The following RASAL2 variants were observed in gnomAD, a reference collection of about 807,000 sequenced individuals.
RASAL2 encodes ras GTPase-activating protein nGAP.
A neutral mutation model predicts 128.9 loss-of-function variants in RASAL2; 58 were observed. The ratio of observed to expected loss-of-function variants is 0.45; its 90% CI spans 0.36 to 0.56. The LOEUF is 0.56. Ranked by LOEUF, RASAL2 falls within the 20% of genes least tolerant of loss-of-function variation. The pLI is 0.00. For synonymous variants in RASAL2, 561 were observed against 580.8 expected (o/e 0.97, Z 0.49); for missense variants, 1,360 against 1,601.6 (o/e 0.85, Z 2.57).
At chr1:178,378,026 A>G (rs1054205867) in intron 3 of RASAL2, among the ~76,000 whole-genome samples, 2 of 151,940 alleles carry the variant, frequency 1.3e-5, no homozygotes, top group African/African-American at 4.8e-5. Context: ...AAAAAAAGAA[A>G]ATCAGAAAAA....
At chr1:178,287,526 T>A (rs188607832) in intron 2 of RASAL2, among the ~76,000 whole-genome samples, 8 of 152,212 alleles carry the variant, frequency 5.3e-5, no homozygotes. Context: ...AACAAGGATA[T>A]ACATGTTTAC....
chr1:178,162,966 ACTTT>A (rs772071580), intron 1 of RASAL2, among the ~76,000 whole-genome samples: 2 of 151,402 alleles, frequency 1.3e-5, no homozygotes, highest in African/African-American at 2.4e-5. Flanking sequence ...AGATTTTTAC[ACTTT>A]CTTTGTTTTT....
At chr1:178,190,104 G>A (rs531576403) in intron 1 of RASAL2, among the ~76,000 whole-genome samples, 14 of 142,396 alleles carry the variant, frequency 9.8e-5, no homozygotes, top group East Asian at 9.7e-4. Flanking sequence ...CCCACCTTCC[G>A]CAGAAAGAAT....
At chr1:178,124,994 T>A (rs1202077258) in intron 1 of RASAL2, among the ~76,000 whole-genome samples, 1 of 152,252 alleles carries the variant, frequency 6.6e-6, no homozygotes, top group Non-Finnish European at 1.5e-5. Context: ...TTTGAAAATG[T>A]TATATCTCAT....
chr1:178,119,683 A>C (rs1014216467), intron 1 of RASAL2, among the ~76,000 whole-genome samples: 1 of 152,232 alleles, frequency 6.6e-6, no homozygotes, highest in Non-Finnish European at 1.5e-5. Flanking sequence ...AGTACATGTA[A>C]CATATTTTCA....
At chr1:178,161,694 C>T (rs890761675) in intron 1 of RASAL2, among the ~76,000 whole-genome samples, 12 of 152,096 alleles carry the variant, frequency 7.9e-5, no homozygotes, top group Admixed American at 7.2e-4. Context: ...GCCAAATCCA[C>T]CATTTTATAT....
rs112240164 is a variant in RASAL2, at chr1:178,424,389, T to C, written c.674+3769T>C. On this transcript the variant is annotated intron_variant, in intron 5 of 17. Coordinates refer to ENST00000367649, the MANE Select transcript of RASAL2 (RefSeq NM_170692.4). The stretch of plus-strand genomic sequence containing the variant: ...TCCTGAGTAGCTTGGATTGCAGACA[T>C]AAGCCACTGCCTCCAGCCAGAAATC... Among the ~76,000 whole-genome samples the C allele has an allele frequency of 6.8e-3, 1,026 of 151,262 alleles. 8 individuals are homozygous for C. The highest frequency in any genetic ancestry group is 0.023 in the African/African-American group (927 of 41,166).
chr1:178,098,356 A>G (rs1658767447), intron 1 of RASAL2, among the ~76,000 whole-genome samples: 2 of 152,258 alleles, frequency 1.3e-5, no homozygotes, highest in Admixed American at 1.3e-4. Flanking sequence ...AGAATCCAAG[A>G]GCATCAAATG....
rs1163062770 is a variant in RASAL2, at chr1:178,349,258, TA to T, written c.458-40822del. The stretch of plus-strand genomic sequence containing the variant: ...ACATGGTGAAACCCTGTCTCTACTT[TA>T]AAAAAAAAAAAAAAAAAAAGCCAGG... On this transcript the variant is annotated intron_variant, in intron 3 of 17. Transcript: ENST00000367649. Among the ~76,000 whole-genome samples the T allele has an allele frequency of 4.5e-3, 501 of 110,814 alleles. 1 individual carries two copies. The highest frequency in any genetic ancestry group is 0.018 in the Middle Eastern group (4 of 218). 72.7% of individuals were successfully genotyped at this position (110,814 alleles called of 152,430 possible).
intron 1 of RASAL2, among the ~76,000 whole-genome samples, chr1:178,124,472 A>C (rs1167937639): frequency 6.6e-6 from 1 of 152,154 alleles, no homozygotes; most frequent in African/African-American, 2.4e-5. Flanking sequence ...ACTCTGCCTT[A>C]GAGAAATGTT....
intron 3 of RASAL2, among the ~76,000 whole-genome samples, chr1:178,320,759 C>G (rs1057169571): frequency 6.6e-6 from 1 of 152,214 alleles, no homozygotes; most frequent in African/African-American, 2.4e-5. Flanking sequence ...TCTTCTGCCT[C>G]GCTCACGCTG....
chr1:178,380,005 G>A lies in RASAL2; in HGVS notation c.458-10095G>A, dbSNP rs6701732. On this transcript the variant is annotated intron_variant, in intron 3 of 17. Transcript: ENST00000367649. ...CTCCCAGCCTCAGCGCCCCCTACCCGTAGTAGCTGGGACGACAGGTGCAGT... is the reference window on the plus strand; with the variant it reads ...CTCCCAGCCTCAGCGCCCCCTACCCATAGTAGCTGGGACGACAGGTGCAGT... Among the ~76,000 whole-genome samples the A allele has an allele frequency of 4.3e-3, 652 of 152,206 alleles. 14 individuals carry two copies. Among genetic ancestry groups the A allele is most frequent in the African/African-American group, 0.015 (626 of 41,542 alleles).
rs769236542 is a variant in RASAL2, at chr1:178,457,910, G to T, written c.2618G>T (p.Arg873Leu). ...HASVMLDVPIRLTGSQLSITQ... is the reference protein window; with the variant it reads ...HASVMLDVPILLTGSQLSITQ... ...TCTGTCATGCTTGATGTGCCTATAC[G>T]CTTGACCGGAAGCCAGCTTTCCATA... The change falls in exon 14 of 18, where the codon CGC (arginine) becomes CTC (leucine). Residue 873 changes from arginine to leucine, a missense_variant. This residue lies in a region of RASAL2 where 741 missense variants were observed against 868.6 expected (regional missense o/e 0.85). Coordinates refer to ENST00000367649, the MANE Select transcript of RASAL2 (RefSeq NM_170692.4). 3 of 1,614,118 alleles carry T rather than the reference G, an allele frequency of 1.9e-6. No individual in the cohort carries two copies. In the South Asian group the frequency reaches 3.3e-5, roughly 18 times the overall value.
intron 3 of RASAL2, chr1:178,372,094 A>AGGGAGGATCACATTTTCT (rs1671751066): frequency 1.1e-6 from 1 of 874,054 alleles, no homozygotes; most frequent in East Asian, 1.2e-4. Context: ...TTCAGAGTGG[A>AGGGAGGATCACATTTTCT]GGGAGGATCA....
chr1:178,211,334 G>T (rs1051506836), intron 1 of RASAL2, among the ~76,000 whole-genome samples: 16 of 152,030 alleles, frequency 1.1e-4, no homozygotes, highest in African/African-American at 3.9e-4. Context: ...TCCCTACCTT[G>T]ATCCTTATCC....
At chr1:178,358,237 TAAA>T (rs71567191) in intron 3 of RASAL2, among the ~76,000 whole-genome samples, 12 of 34,760 alleles carry the variant, frequency 3.5e-4, no homozygotes, top group Non-Finnish European at 5.1e-4. Flanking sequence ...CTCTGTCTCC[TAAA>T]AAAAAAAAAA....
At chr1:178,106,056 G>A (rs775804624) in intron 1 of RASAL2, among the ~76,000 whole-genome samples, 1 of 152,164 alleles carries the variant, frequency 6.6e-6, no homozygotes, top group Non-Finnish European at 1.5e-5. Flanking sequence ...ACATGAAATC[G>A]CTGTAGATGA....
chr1:178,156,611 A>T lies in RASAL2; in HGVS notation c.202+61917A>T, dbSNP rs575571594. 2.0e-5 allele frequency among the ~76,000 whole-genome samples: 3 copies of T among 152,302 alleles called. No homozygotes were observed. The East Asian group carries it at 5.8e-4, about 29-fold the overall frequency. The stretch of plus-strand genomic sequence containing the variant: ...GTGTATATATGAGTCACAAACTTCA[A>T]CTAAAGTGTATACTTCTTTTTGAAC... On this transcript the variant is annotated intron_variant, in intron 1 of 17. Transcript: ENST00000367649.
At chr1:178,175,437 CGTGTGTGTGTGTGTGTGTGT>C (rs1158552851) in intron 1 of RASAL2, among the ~76,000 whole-genome samples, 22 of 144,334 alleles carry the variant, frequency 1.5e-4, no homozygotes, top group Non-Finnish European at 2.7e-4. Context: ...TACATGGTTA[CGTGTGTGTGTGTGTGTGTGT>C]GTGTGTGTGT....
Sources: gnomAD v4.1 joint callset for allele counts (sites outside exome capture counted in the v4.1 genomes callset) on GRCh38, gnomAD v4.1.1 for gene constraint, gnomAD v4.1.1 regional missense constraint, MANE v1.5 for transcripts, NCBI Gene and HGNC (gene_info 2026-07-23, HGNC 2026-07-21) for gene names.